AADAT: variants seen among roughly 807,000 people sequenced by gnomAD.
The protein encoded by AADAT is kynurenine/alpha-aminoadipate aminotransferase, mitochondrial.
A neutral mutation model predicts 56.2 loss-of-function variants in AADAT; 25 were observed. That is an observed-to-expected ratio of 0.44 (90% confidence interval 0.32 to 0.62). The LOEUF is 0.62. Among genes scored for constraint, AADAT ranks in the 20% least tolerant of loss-of-function variants. The probability of loss-of-function intolerance (pLI) is 0.04; values close to 1 mark genes in which losing one functional copy is unlikely to be tolerated. For synonymous variants in AADAT, 173 were observed against 164.7 expected (o/e 1.05, Z -0.39); for missense variants, 387 against 510.5 (o/e 0.76, Z 2.33).
Position 170,060,788 on chromosome 4 carries a change from C to A in AADAT, c.*140G>T, listed in dbSNP as rs1336097296. Reference sequence around the variant, plus strand: ...TTGTTCTGCCATGCAGGCCAGAGTGCATGCAGGCCAGAGTGCAGTGGTGTG... The same window carrying A: ...TTGTTCTGCCATGCAGGCCAGAGTGAATGCAGGCCAGAGTGCAGTGGTGTG... On this transcript the variant is annotated 3_prime_UTR_variant, in exon 13 of 13. Coordinates refer to ENST00000337664, the MANE Select transcript of AADAT (RefSeq NM_016228.4). The A allele has an allele frequency of 7.8e-6, 4 of 514,332 alleles. No individual in the cohort carries two copies. Among genetic ancestry groups the A allele is most frequent in the Non-Finnish European group, 9.7e-6 (3 of 310,510 alleles). The allele number at this position is 514,332 out of a possible 1,614,324, so 31.9% of individuals were successfully genotyped here. A position where few individuals can be genotyped will look rare whatever the true frequency, so the allele number is the denominator to read the frequency against.
At chr4:170,092,523 G>C (rs995149070), upstream of AADAT, among the ~76,000 whole-genome samples, 1 of 152,154 alleles carries the variant, frequency 6.6e-6, no homozygotes, top group Non-Finnish European at 1.5e-5. Context: ...CACACCGCGA[G>C]TGTCTGCGGC....
rs1731773609 is a variant in AADAT at position 170,071,760 on chromosome 4, G to T, written c.655-1108C>A. On this transcript the variant is annotated intron_variant, in intron 5 of 12. Transcript: ENST00000337664. Reference sequence around the variant, plus strand: ...AGTGAGGGCAGGCAGGGGCTCAGAAGATGGGGACAGTGATGACAACAGAGA... The same window carrying T: ...AGTGAGGGCAGGCAGGGGCTCAGAATATGGGGACAGTGATGACAACAGAGA... Among the ~76,000 whole-genome samples, 3 of 152,170 alleles carry T rather than the reference G, an allele frequency of 2.0e-5. No individual in the cohort carries two copies. The South Asian group carries it at 6.2e-4, about 31-fold the overall frequency.
At chr4:170,086,159 T>A (rs1210510419) in intron 3 of AADAT, among the ~76,000 whole-genome samples, 1 of 151,506 alleles carries the variant, frequency 6.6e-6, no homozygotes, top group Non-Finnish European at 1.5e-5. Flanking sequence ...GTGGAAGAAT[T>A]GTTGGAGCCC....
intron 4 of AADAT, among the ~76,000 whole-genome samples, chr4:170,077,740 G>A (rs555392048): frequency 1.8e-4 from 27 of 152,304 alleles, no homozygotes; most frequent in African/African-American, 6.3e-4. Context: ...TTGTTTCCCT[G>A]TGGTTCCAGT....
At chr4:170,070,320 C>T (rs1274933299) in intron 6 of AADAT, among the ~76,000 whole-genome samples, 1 of 152,088 alleles carries the variant, frequency 6.6e-6, no homozygotes, top group African/African-American at 2.4e-5. Context: ...CTCTGTTTGT[C>T]CCAGTGCCTG....
At chr4:170,088,148 A>G (rs1444676064) in intron 2 of AADAT, among the ~76,000 whole-genome samples, 4 of 151,844 alleles carry the variant, frequency 2.6e-5, no homozygotes, top group Non-Finnish European at 5.9e-5. Flanking sequence ...AGTGTTAAAC[A>G]TTCAATATCC....
chr4:170,089,259 A>ACCTGGC, intron 1 of AADAT: 1 of 477,220 alleles, frequency 2.1e-6, no homozygotes, highest in Non-Finnish European at 4.0e-6. Context: ...TCTCCCATTT[A>ACCTGGC]CCTGGCCCTC....
chr4:170,088,686 A>G (rs963544030), intron 1 of AADAT, 122 bp from the exon 2 acceptor site: 6 of 998,780 alleles, frequency 6.0e-6, no homozygotes, highest in Admixed American at 2.3e-5. Flanking sequence ...AGAGTGTGCT[A>G]TGGTCTAAAT....
intron 11 of AADAT, 32 bp from the exon 12 acceptor site, chr4:170,062,025 C>T: frequency 1.4e-6 from 2 of 1,472,748 alleles, no homozygotes; most frequent in Non-Finnish European, 9.4e-7. Flanking sequence ...AAGTAATGTA[C>T]CACTAAAGAA....
At chr4:170,062,077 G>A in intron 11 of AADAT, 84 bp from the exon 12 acceptor site, 1 of 836,446 alleles carries the variant, frequency 1.2e-6, no homozygotes, top group South Asian at 2.1e-5. Flanking sequence ...TCAGAGTAGG[G>A]AAGGATGTTT....
At chr4:170,089,263 G>A in intron 1 of AADAT, 1 of 485,616 alleles carries the variant, frequency 2.1e-6, no homozygotes, top group Non-Finnish European at 3.9e-6. Context: ...CCATTTACCT[G>A]GCCCTCTCCA....
chr4:170,070,481 A>G, intron 6 of AADAT, 106 bp downstream of exon 6: 1 of 719,322 alleles, frequency 1.4e-6, no homozygotes, highest in Non-Finnish European at 2.3e-6. Context: ...TTTCCATGTA[A>G]AAGTGGATTA....
chr4:170,084,855 C>T (rs989594390), intron 3 of AADAT, among the ~76,000 whole-genome samples: 1 of 152,224 alleles, frequency 6.6e-6, no homozygotes, highest in African/African-American at 2.4e-5. Flanking sequence ...TACATATCAA[C>T]AGATCAAATG....
intron 5 of AADAT, among the ~76,000 whole-genome samples, chr4:170,071,523 C>T (rs6855450): frequency 0.06 from 9,144 of 152,236 alleles, 377 homozygotes; most frequent in Non-Finnish European, 0.091. Flanking sequence ...GACCGTGTTA[C>T]CTAGCTCTGC....
At chr4:170,078,722 A>G in intron 3 of AADAT, 139 bp from the exon 4 acceptor site, 1 of 472,336 alleles carries the variant, frequency 2.1e-6, no homozygotes, top group Non-Finnish European at 3.7e-6. Flanking sequence ...GCCAAACAGT[A>G]AACACTTTGC....
At chr4:170,087,767 T>C (rs1334489862) in intron 2 of AADAT, among the ~76,000 whole-genome samples, 1 of 151,954 alleles carries the variant, frequency 6.6e-6, no homozygotes. Context: ...CTCTATAAAT[T>C]ATCCTTTATC....
At chr4:170,092,609 C>G (rs145325237), upstream of AADAT, among the ~76,000 whole-genome samples, 1 of 152,194 alleles carries the variant, frequency 6.6e-6, no homozygotes, top group East Asian at 1.9e-4. Context: ...TAGAAACCCA[C>G]GAGGCAAAAT....
chr4:170,093,486 G>T (rs1430049708), upstream of AADAT, among the ~76,000 whole-genome samples: 1 of 152,162 alleles, frequency 6.6e-6, no homozygotes, highest in East Asian at 1.9e-4. Flanking sequence ...AACCTGTTCG[G>T]TCAAAGGAAT....
At chr4:170,064,930 TC>T in intron 10 of AADAT, 105 bp from the exon 11 acceptor site, 1 of 938,070 alleles carries the variant, frequency 1.1e-6, no homozygotes, top group East Asian at 3.0e-5. Context: ...AAACTAGTAT[TC>T]CTAAAAAAGT....
Sources: gnomAD v4.1 joint callset for allele counts (sites outside exome capture counted in the v4.1 genomes callset) on GRCh38, gnomAD v4.1.1 for gene constraint, MANE v1.5 for transcripts, NCBI Gene and HGNC (gene_info 2026-07-23, HGNC 2026-07-21) for gene names.